SYT7: variants seen among roughly 807,000 people sequenced by gnomAD.
SYT7 encodes the protein synaptotagmin 7, also known as synaptotagmin-7.
In SYT7, 29 loss-of-function variants were observed where a neutral mutation model predicts 75.1. That is an observed-to-expected ratio of 0.39 (90% CI 0.29 to 0.53). SYT7 has a LOEUF of 0.53. SYT7 is among the 20% of genes least tolerant of loss of function. The pLI is 0.77. For synonymous variants in SYT7, 376 were observed against 401.7 expected (o/e 0.94, Z 0.76); for missense variants, 693 against 953.2 (o/e 0.73, Z 3.59).
Position 61,523,315 on chromosome 11 carries a change from G to C in SYT7, c.1757-41C>G, listed in dbSNP as rs1333786933. On this transcript the variant is annotated intron_variant, in intron 11 of 12. Coordinates refer to ENST00000539008, the MANE Select transcript of SYT7 (RefSeq NM_001365809.2). This position sits in a 1 kb window ranked among gnomAD's most constrained non-coding sequence, Gnocchi z 5.0. ...GGGAAGGGTTAGAGGGACCGTGGGG[G>C]AGGGACTTCCTAGGATCCTTTTCCC... The C allele has an allele frequency of 6.3e-7, 1 of 1,582,178 alleles. No individual in the cohort carries two copies. Among genetic ancestry groups the C allele is most frequent in the Non-Finnish European group, 8.7e-7 (1 of 1,151,574 alleles).
At position 61,523,447 on chromosome 11, in the gene SYT7, T is replaced by G. The variant is rs185229560; in HGVS notation, c.1757-173A>C. On this transcript the variant is annotated intron_variant, in intron 11 of 12. Coordinates refer to ENST00000539008, the MANE Select transcript of SYT7 (RefSeq NM_001365809.2). This position sits in a 1 kb window ranked among gnomAD's most constrained non-coding sequence, Gnocchi z 5.0. Reference sequence around the variant, plus strand: ...CCTGGGAGAATCAGCAGATGGACCTTAGCGATCACCTGGGGCCCTCCTATT... The same window carrying G: ...CCTGGGAGAATCAGCAGATGGACCTGAGCGATCACCTGGGGCCCTCCTATT... 2.6e-5 allele frequency among the ~76,000 whole-genome samples: 4 copies of G among 152,150 alleles called. No individual in the cohort carries two copies. In the East Asian group the frequency reaches 5.8e-4, roughly 22 times the overall value.
rs1455977942 is a variant in SYT7 at position 61,514,706 on chromosome 11, A to T, written c.*3921T>A. 6.6e-6 allele frequency among the ~76,000 whole-genome samples: 1 copy of T among 152,186 alleles called. No individual in the cohort carries two copies. The highest frequency in any genetic ancestry group is 1.5e-5 in the Non-Finnish European group (1 of 68,020). On this transcript the variant is annotated 3_prime_UTR_variant, in exon 13 of 13. Transcript: ENST00000539008. ...CAGGGCCACAGAGGCTGCAGAAGGGATTACAACCCAGCTTCCCACACCTCA... is the reference window on the plus strand; with the variant it reads ...CAGGGCCACAGAGGCTGCAGAAGGGTTTACAACCCAGCTTCCCACACCTCA...
Position 61,553,054 on chromosome 11 carries a change from C to G in SYT7, c.136-1591G>C, listed in dbSNP as rs1180701331. Among the ~76,000 whole-genome samples the G allele has an allele frequency of 6.6e-6, 1 of 152,176 alleles. No homozygotes were observed. The highest frequency in any genetic ancestry group is 1.5e-5 in the Non-Finnish European group (1 of 68,050). On this transcript the variant is annotated intron_variant, in intron 2 of 12. Coordinates refer to ENST00000539008, the MANE Select transcript of SYT7 (RefSeq NM_001365809.2). The surrounding 1 kb of genome is among the most constrained non-coding windows in gnomAD (Gnocchi z 5.2). The stretch of plus-strand genomic sequence containing the variant: ...GTGTCCCTTCTATGGCCCCGCCCAC[C>G]CTGGAGTCTGGGCCCCCAGCAGCGA...
intron 3 of SYT7, among the ~76,000 whole-genome samples, chr11:61,548,417 T>G (rs949873840): frequency 6.6e-5 from 10 of 152,146 alleles, no homozygotes; most frequent in Non-Finnish European, 1.5e-4. Flanking sequence ...GGGCATGGCC[T>G]GGAAACCCTG....
chr11:61,566,595 T>C (rs1000659821), intron 1 of SYT7, among the ~76,000 whole-genome samples: 2 of 152,108 alleles, frequency 1.3e-5, no homozygotes, highest in African/African-American at 4.8e-5. Context: ...GTGAAAATGA[T>C]CACGTCTGTC....
chr11:61,540,775 CA>C (rs2063017725), intron 6 of SYT7: 3 of 985,442 alleles, frequency 3.0e-6, no homozygotes, highest in Non-Finnish European at 3.6e-6. Context: ...AGGGGCCCAG[CA>C]GGCTCTCAGT....
chr11:61,519,442 A>G (rs898783212), intron 12 of SYT7, among the ~76,000 whole-genome samples: 21 of 152,192 alleles, frequency 1.4e-4, no homozygotes, highest in Non-Finnish European at 8.8e-5. Context: ...AAACAGGTAC[A>G]TGGGGCCTTC....
rs1332387381 is a variant in SYT7, at chr11:61,515,615, G to C, written c.*3012C>G. On this transcript the variant is annotated 3_prime_UTR_variant, in exon 13 of 13. Transcript: ENST00000539008. ...ATCCCCACCCCTGGGGCTCCGGGGA[G>C]CCCCCCTGGCTTGTTTGTGGCTGTT... 6.6e-6 allele frequency: 1 copy of C among 152,512 alleles called. No individual in the cohort carries two copies. Among genetic ancestry groups the C allele is most frequent in the East Asian group, 1.9e-4 (1 of 5,178 alleles). The allele number at this position is 152,512 out of a possible 1,614,324, so 9.4% of individuals were successfully genotyped here.
At chr11:61,565,760 A>G (rs2063749886) in intron 1 of SYT7, among the ~76,000 whole-genome samples, 1 of 152,236 alleles carries the variant, frequency 6.6e-6, no homozygotes, top group Non-Finnish European at 1.5e-5. Context: ...GGTGGGAACT[A>G]GGCTAGCAAA....
chr11:61,583,347 G>A (rs1477058286), upstream of SYT7, among the ~76,000 whole-genome samples: 3 of 152,202 alleles, frequency 2.0e-5, no homozygotes, highest in Non-Finnish European at 2.9e-5. Context: ...TGAAAGTCCA[G>A]AGAGGGAGAG....
upstream of SYT7, among the ~76,000 whole-genome samples, chr11:61,583,259 C>T (rs777250013): frequency 6.6e-6 from 1 of 152,014 alleles, no homozygotes; most frequent in Non-Finnish European, 1.5e-5. Flanking sequence ...CACCCCTCAC[C>T]CTCCCACAAC....
At position 61,558,505 on chromosome 11, in the gene SYT7, TACAC is replaced by T. The variant is rs34301756; in HGVS notation, c.32-2302_32-2299del. 8.8e-3 allele frequency among the ~76,000 whole-genome samples: 1,181 copies of T among 134,592 alleles called. 4 individuals carry two copies. The highest frequency in any genetic ancestry group is 0.028 in the Middle Eastern group (7 of 254). 88.3% of individuals were successfully genotyped at this position (134,592 alleles called of 152,430 possible). ...ATATATACACACACACACACACACA[TACAC>T]ACACACACACACACACACACACACA... On this transcript the variant is annotated intron_variant, in intron 1 of 12. Coordinates refer to ENST00000539008, the MANE Select transcript of SYT7 (RefSeq NM_001365809.2).
chr11:61,519,399 T>C (rs2062239098), intron 12 of SYT7, among the ~76,000 whole-genome samples: 2 of 152,110 alleles, frequency 1.3e-5, no homozygotes, highest in South Asian at 4.1e-4. Context: ...CTTTGGGACT[T>C]GGGGGTGATT....
At chr11:61,530,927 A>G (rs1222338226) in intron 8 of SYT7, 1 of 985,288 alleles carries the variant, frequency 1.0e-6, no homozygotes, top group East Asian at 1.1e-4. Flanking sequence ...GCACCAGCAG[A>G]AGTCAGCCTC....
Position 61,515,140 on chromosome 11 carries a change from T to A in SYT7, c.*3487A>T, listed in dbSNP as rs1184917842. ...CCAGTGGGATCATATTCTATAGAGA[T>A]CTGAGGATGGCTGGACACTCGGGAA... On this transcript the variant is annotated 3_prime_UTR_variant, in exon 13 of 13. Coordinates refer to ENST00000539008, the MANE Select transcript of SYT7 (RefSeq NM_001365809.2). Among the ~76,000 whole-genome samples, 1 of 152,188 alleles carries A rather than the reference T, an allele frequency of 6.6e-6. No homozygotes were observed. Among genetic ancestry groups the A allele is most frequent in the Non-Finnish European group, 1.5e-5 (1 of 68,024 alleles).
rs1189585818 is a variant in SYT7 at position 61,551,867 on chromosome 11, C to T, written c.136-404G>A. 1.3e-5 allele frequency among the ~76,000 whole-genome samples: 2 copies of T among 152,160 alleles called. No homozygotes were observed. Among genetic ancestry groups the T allele is most frequent in the African/African-American group, 2.4e-5 (1 of 41,442 alleles). ...CGCCCCCAGATGGTGGGGGTGGCAT[C>T]CTGCAGGGCAAGGTTGGCAGTGGCC... On this transcript the variant is annotated intron_variant, in intron 2 of 12. Transcript: ENST00000539008. The surrounding 1 kb of genome is among the most constrained non-coding windows in gnomAD (Gnocchi z 5.3).
At position 61,561,199 on chromosome 11, in the gene SYT7, C is replaced by A. The variant is rs149490743; in HGVS notation, c.32-4992G>T. On this transcript the variant is annotated intron_variant, in intron 1 of 12. Coordinates refer to ENST00000539008, the MANE Select transcript of SYT7 (RefSeq NM_001365809.2). ...GACAGGGTTGAGTGCCACAACCTAT[C>A]CTGAGGCAGAGGAGACATCCTAGGT... Among the ~76,000 whole-genome samples the A allele has an allele frequency of 2.0e-3, 304 of 152,296 alleles. 1 individual carries two copies. Among genetic ancestry groups the A allele is most frequent in the African/African-American group, 7.2e-3 (298 of 41,556 alleles).
chr11:61,573,086 G>A (rs776677104), intron 1 of SYT7, among the ~76,000 whole-genome samples: 19 of 152,190 alleles, frequency 1.2e-4, no homozygotes, highest in South Asian at 6.2e-4. Context: ...GGGGTGGCCC[G>A]TCTAGTTGCC....
intron 1 of SYT7, among the ~76,000 whole-genome samples, chr11:61,571,554 G>A (rs2135428125): frequency 6.6e-6 from 1 of 152,278 alleles, no homozygotes. Flanking sequence ...CTAGTGCCTG[G>A]GTGGCTGGCA....
Sources: allele counts gnomAD v4.1 joint callset (sites outside exome capture counted in the v4.1 genomes callset), GRCh38; gene constraint gnomAD v4.1.1; non-coding constraint Gnocchi (gnomAD v3.1); transcripts MANE v1.5; gene names NCBI Gene and HGNC (gene_info 2026-07-23, HGNC 2026-07-21).